PARD6G: variants seen among roughly 807,000 people sequenced by gnomAD.
PARD6G encodes partitioning defective 6 homolog gamma.
Under a neutral mutation model 10.7 loss-of-function variants are expected in PARD6G, and 7 were observed. That is an observed-to-expected ratio of 0.66 (90% CI 0.37 to 1.23). The LOEUF (loss-of-function observed/expected upper bound fraction) is 1.23. PARD6G is among the 50% of genes most tolerant of loss of function. PARD6G has a pLI of 0.02. For missense variants in PARD6G, 548 were observed against 571.8 expected, an observed-to-expected ratio of 0.96 and a Z score of 0.42; for synonymous variants, 287 against 269.4, an observed-to-expected ratio of 1.07 and a Z score of -0.64.
In PARD6G at chr18:80,159,783, C is replaced by A; in HGVS notation, c.1119G>T (p.Ala373=). The part of the protein sequence containing the change: ...PPGGVEEHGP[A]VTL ...GCCTCTCGGGAGTCTAGAGCGTGAC[C>A]GCGGGCCCGTGCTCCTCCACGCCGC... Residue 373 remains alanine, a synonymous_variant, in exon 3 of 3, where the codon GCG becomes GCT. Coordinates refer to ENST00000353265, the MANE Select transcript of PARD6G (RefSeq NM_032510.4). 1.4e-6 allele frequency: 2 copies of A among 1,434,406 alleles called. No homozygotes were observed. The highest frequency in any genetic ancestry group is 1.8e-6 in the Non-Finnish European group (2 of 1,099,412). 88.9% of individuals were successfully genotyped at this position (1,434,406 alleles called of 1,614,324 possible).
rs1262551401 is a variant in PARD6G, at chr18:80,231,068, C to A, written c.72+16209G>T. ...AATGGAAGGTCAGGGACAAGGGGTG[C>A]CCTTTGTGAGAAGGAACACCCCAGG... On this transcript the variant is annotated intron_variant, in intron 1 of 2. Coordinates refer to ENST00000353265, the MANE Select transcript of PARD6G (RefSeq NM_032510.4). The surrounding 1 kb of genome is among the most constrained non-coding windows in gnomAD (Gnocchi z 4.2). Among the ~76,000 whole-genome samples, 3 of 152,162 alleles carry A rather than the reference C, an allele frequency of 2.0e-5. No homozygotes were observed. The highest frequency in any genetic ancestry group is 4.4e-5 in the Non-Finnish European group (3 of 68,030).
chr18:80,177,872 C>G (rs1352796433), intron 2 of PARD6G, among the ~76,000 whole-genome samples: 1 of 151,304 alleles, frequency 6.6e-6, no homozygotes, highest in Non-Finnish European at 1.5e-5. Context: ...CATGTGCACA[C>G]ACACCCACCA....
intron 1 of PARD6G, among the ~76,000 whole-genome samples, chr18:80,233,589 C>T (rs1485753065): frequency 6.6e-6 from 1 of 152,204 alleles, no homozygotes; most frequent in Non-Finnish European, 1.5e-5. Context: ...GCCCCTGAGC[C>T]ACGGGATACA....
chr18:80,244,131 G>T (rs904116922), intron 1 of PARD6G, among the ~76,000 whole-genome samples: 1 of 152,030 alleles, frequency 6.6e-6, no homozygotes, highest in African/African-American at 2.4e-5. Context: ...TGGCTTTTCC[G>T]CTGCATTCTA....
chr18:80,163,538 G>A (rs1384219775), intron 2 of PARD6G, among the ~76,000 whole-genome samples: 1 of 152,176 alleles, frequency 6.6e-6, no homozygotes, highest in Non-Finnish European at 1.5e-5. Context: ...CCCCACCCCT[G>A]TTCCGCATGG....
Position 80,160,380 on chromosome 18 carries a change from G to C in PARD6G, c.522C>G (p.Ile174Met). The C allele has an allele frequency of 6.2e-7, 1 of 1,609,374 alleles. No homozygotes were observed. The highest frequency in any genetic ancestry group is 8.5e-7 in the Non-Finnish European group (1 of 1,178,706). The change falls in exon 3 of 3, where the codon ATC (isoleucine) becomes ATG (methionine). Residue 174 changes from isoleucine (I) to methionine (M), a missense_variant. Ile to Met is a conservative substitution (Grantham distance 10, BLOSUM62 1). Coordinates refer to ENST00000353265, the MANE Select transcript of PARD6G (RefSeq NM_032510.4). ...TCACGCGCACGCTGGCGCCATCGCG[G>C]ATGTAGAAGCCCAGCGGCTTCTCGC... ...HGCEKPLGFY[I>M]RDGASVRVTP...
chr18:80,223,784 G>T (rs570685341), intron 1 of PARD6G, among the ~76,000 whole-genome samples: 108 of 152,194 alleles, frequency 7.1e-4, no homozygotes, highest in Non-Finnish European at 1.2e-3. Flanking sequence ...TTTTGCTCCA[G>T]GCAAACAGGA....
At chr18:80,237,026 G>A (rs1393331564) in intron 1 of PARD6G, among the ~76,000 whole-genome samples, 6 of 152,128 alleles carry the variant, frequency 3.9e-5, no homozygotes, top group Non-Finnish European at 7.4e-5. Context: ...AACCAAAAAA[G>A]AACCCGCATT....
In PARD6G at chr18:80,177,488, AAAT is replaced by A. The variant is rs1455461966; in HGVS notation, c.296-16885_296-16883del. Among the ~76,000 whole-genome samples, 13 of 148,498 alleles carry A rather than the reference AAAT, an allele frequency of 8.8e-5. 1 individual carries two copies. Among genetic ancestry groups the A allele is most frequent in the Admixed American group, 2.0e-4 (3 of 14,964 alleles). Reference sequence around the variant, plus strand: ...GCACACACACACATGCACAGGGGATAAATAATCCAAATGGGAAGCACACATGCA... The same window carrying A: ...GCACACACACACATGCACAGGGGATAAATCCAAATGGGAAGCACACATGCA... On this transcript the variant is annotated intron_variant, in intron 2 of 2. Transcript: ENST00000353265.
intron 1 of PARD6G, among the ~76,000 whole-genome samples, chr18:80,229,041 C>G (rs143342238): frequency 0.035 from 5,334 of 152,184 alleles, 150 homozygotes; most frequent in South Asian, 0.087. Flanking sequence ...TGGGTTCAAG[C>G]GATTCTCCTG....
Position 80,188,824 on chromosome 18 carries a change from G to T in PARD6G, c.295+13886C>A, listed in dbSNP as rs1397550237. Among the ~76,000 whole-genome samples the T allele has an allele frequency of 6.6e-6, 1 of 152,192 alleles. No homozygotes were observed. Among genetic ancestry groups the T allele is most frequent in the Non-Finnish European group, 1.5e-5 (1 of 68,038 alleles). On this transcript the variant is annotated intron_variant, in intron 2 of 2. Transcript: ENST00000353265. The surrounding 1 kb of genome is among the most constrained non-coding windows in gnomAD (Gnocchi z 5.4). ...GTGGGAGAGACAAGCCCACGAGATG[G>T]GCTTGCGGGGAAGTCAGGCGGGTGC...
chr18:80,172,145 C>T (rs995598958), intron 2 of PARD6G, among the ~76,000 whole-genome samples: 1 of 152,160 alleles, frequency 6.6e-6, no homozygotes, highest in Non-Finnish European at 1.5e-5. Flanking sequence ...TTTCTATTCC[C>T]CCCAGCAGTT....
In PARD6G at chr18:80,246,704, C is replaced by T. The variant is rs990683511; in HGVS notation, c.72+573G>A. The stretch of plus-strand genomic sequence containing the variant: ...GTCTGGGTCTGGGCCGGGGGAGAGC[C>T]GGGTGCGTGCTCTGGGTCTGCGCGG... On this transcript the variant is annotated intron_variant, in intron 1 of 2. Coordinates refer to ENST00000353265, the MANE Select transcript of PARD6G (RefSeq NM_032510.4). This position sits in a 1 kb window ranked among gnomAD's most constrained non-coding sequence, Gnocchi z 6.7. 6.6e-6 allele frequency among the ~76,000 whole-genome samples: 1 copy of T among 150,544 alleles called. No individual in the cohort carries two copies. Among genetic ancestry groups the T allele is most frequent in the Admixed American group, 6.6e-5 (1 of 15,152 alleles).
rs150676639 is a variant in PARD6G at position 80,209,476 on chromosome 18, A to T, written c.73-6544T>A. Among the ~76,000 whole-genome samples the T allele has an allele frequency of 5.5e-3, 839 of 152,270 alleles. 5 individuals are homozygous for T. Among genetic ancestry groups the T allele is most frequent in the African/African-American group, 0.019 (784 of 41,578 alleles). ...ATTTCATCTTTTAAAATTATTAAAAATTATCTCAAATACAAAATACCAAGA... is the reference window on the plus strand; with the variant it reads ...ATTTCATCTTTTAAAATTATTAAAATTTATCTCAAATACAAAATACCAAGA... On this transcript the variant is annotated intron_variant, in intron 1 of 2. Coordinates refer to ENST00000353265, the MANE Select transcript of PARD6G (RefSeq NM_032510.4).
intron 1 of PARD6G, among the ~76,000 whole-genome samples, chr18:80,218,946 C>T (rs2145292614): frequency 6.6e-6 from 1 of 152,294 alleles, no homozygotes; most frequent in East Asian, 1.9e-4. Context: ...GTATGTTGGC[C>T]CCTTTTAGCC....
chr18:80,227,647 A>G (rs1568442439), intron 1 of PARD6G, among the ~76,000 whole-genome samples: 1 of 152,234 alleles, frequency 6.6e-6, no homozygotes, highest in Non-Finnish European at 1.5e-5. Flanking sequence ...CCACTGGGTC[A>G]CACACACCAG....
At chr18:80,214,018 A>G (rs1967134910) in intron 1 of PARD6G, among the ~76,000 whole-genome samples, 1 of 151,654 alleles carries the variant, frequency 6.6e-6, no homozygotes, top group Admixed American at 6.6e-5. Context: ...TAAAAAGCCC[A>G]TGCAGAGGAA....
At chr18:80,223,259 G>A (rs945295606) in intron 1 of PARD6G, among the ~76,000 whole-genome samples, 3 of 152,004 alleles carry the variant, frequency 2.0e-5, no homozygotes, top group Admixed American at 2.0e-4. Flanking sequence ...AGAAAAAAAA[G>A]ATAAACTGGA....
At chr18:80,240,571 G>A (rs1303238646) in intron 1 of PARD6G, among the ~76,000 whole-genome samples, 1 of 152,154 alleles carries the variant, frequency 6.6e-6, no homozygotes, top group Non-Finnish European at 1.5e-5. Context: ...AACATGTGGG[G>A]AGGATTAAAG....
Sources: allele counts gnomAD v4.1 joint callset (sites outside exome capture counted in the v4.1 genomes callset), GRCh38; gene constraint gnomAD v4.1.1; non-coding constraint Gnocchi (gnomAD v3.1); transcripts MANE v1.5; gene names NCBI Gene and HGNC (gene_info 2026-07-23, HGNC 2026-07-21).